Variants in PTPRD observed in about 807,000 individuals in gnomAD.
PTPRD encodes receptor-type tyrosine-protein phosphatase delta.
Under a neutral mutation model 214.5 loss-of-function variants are expected in PTPRD, and 34 were observed. That is an observed-to-expected ratio of 0.16 (90% CI 0.12 to 0.21). PTPRD has a LOEUF of 0.21. Among genes scored for constraint, PTPRD ranks in the 10% least tolerant of loss-of-function variants. The pLI, the probability that PTPRD is intolerant of heterozygous loss-of-function variation, is 1.00. For synonymous variants in PTPRD, 1,128 were observed against 845.7 expected (o/e 1.33, Z -5.79); for missense variants, 2,545 against 2,398.7 (o/e 1.06, Z -1.27).
At chr9:10,374,483 C>T (rs762092107) in intron 2 of PTPRD, among the ~76,000 whole-genome samples, 6 of 152,122 alleles carry the variant, frequency 3.9e-5, no homozygotes, top group Admixed American at 6.6e-5. Flanking sequence ...CTTTTCCACC[C>T]GCCAGAACTT....
intron 10 of PTPRD, among the ~76,000 whole-genome samples, chr9:9,108,731 G>T (rs1460636897): frequency 6.6e-6 from 1 of 152,120 alleles, no homozygotes; most frequent in East Asian, 1.9e-4. Flanking sequence ...CTGCCTAACT[G>T]CAAGGGGACT....
chr9:10,182,091 A>G (rs1272009639), intron 3 of PTPRD, among the ~76,000 whole-genome samples: 1 of 149,390 alleles, frequency 6.7e-6, no homozygotes, highest in Non-Finnish European at 1.5e-5. Context: ...TGTCTCTACT[A>G]AAAATACAAA....
chr9:9,637,776 CA>C (rs1283566358), intron 7 of PTPRD, among the ~76,000 whole-genome samples: 2 of 152,178 alleles, frequency 1.3e-5, no homozygotes, highest in Non-Finnish European at 2.9e-5. Context: ...GCCCAGATCC[CA>C]CAGTTCTGCT....
chr9:9,868,391 T>C (rs2064531725), intron 5 of PTPRD, among the ~76,000 whole-genome samples: 1 of 152,136 alleles, frequency 6.6e-6, no homozygotes, highest in African/African-American at 2.4e-5. Flanking sequence ...AATTTTGCTA[T>C]ATACACTGAA....
chr9:9,486,005 G>A (rs1589630176), intron 8 of PTPRD, among the ~76,000 whole-genome samples: 1 of 151,786 alleles, frequency 6.6e-6, no homozygotes, highest in Admixed American at 6.6e-5. Context: ...ACAAAAAATA[G>A]CAGGGCGTGG....
At chr9:9,469,318 G>C (rs971546097) in intron 8 of PTPRD, among the ~76,000 whole-genome samples, 7 of 151,972 alleles carry the variant, frequency 4.6e-5, no homozygotes, top group Non-Finnish European at 1.0e-4. Flanking sequence ...TTCTCATTTA[G>C]AAATAATCTG....
At chr9:9,256,903 C>G (rs755917271) in intron 9 of PTPRD, among the ~76,000 whole-genome samples, 1 of 151,972 alleles carries the variant, frequency 6.6e-6, no homozygotes, top group Non-Finnish European at 1.5e-5. Context: ...TTCTGTATTT[C>G]CCTTCCAGGA....
intron 5 of PTPRD, among the ~76,000 whole-genome samples, chr9:9,784,361 C>T (rs568485426): frequency 2.0e-5 from 3 of 151,940 alleles, no homozygotes; most frequent in Non-Finnish European, 2.9e-5. Flanking sequence ...TTTTATTTAA[C>T]CTTGCAAGCT....
intron 7 of PTPRD, among the ~76,000 whole-genome samples, chr9:9,652,548 A>G (rs1369227363): frequency 6.6e-6 from 1 of 152,034 alleles, no homozygotes; most frequent in African/African-American, 2.4e-5. Flanking sequence ...AGATTGTGAA[A>G]TCCTTCAGGA....
intron 14 of PTPRD, among the ~76,000 whole-genome samples, chr9:8,558,728 G>C (rs10977202): frequency 1.3e-5 from 2 of 151,992 alleles, no homozygotes; most frequent in African/African-American, 2.4e-5. Flanking sequence ...TTTAGTTTAT[G>C]GTGAGTGTTC....
chr9:9,748,545 C>A (rs189957659), intron 6 of PTPRD, among the ~76,000 whole-genome samples: 10 of 152,154 alleles, frequency 6.6e-5, no homozygotes, highest in African/African-American at 2.4e-4. Flanking sequence ...ATAATTATAA[C>A]GACAGAAAAG....
intron 3 of PTPRD, among the ~76,000 whole-genome samples, chr9:10,070,325 C>T (rs570737118): frequency 6.6e-6 from 1 of 152,092 alleles, no homozygotes; most frequent in Non-Finnish European, 1.5e-5. Flanking sequence ...ATGACAAAGT[C>T]AAAGATAGAG....
At chr9:10,232,462 A>G (rs2099614881) in intron 3 of PTPRD, among the ~76,000 whole-genome samples, 1 of 151,994 alleles carries the variant, frequency 6.6e-6, no homozygotes, top group South Asian at 2.1e-4. Context: ...AAAGTCTGGC[A>G]CTGGAGTAAA....
At chr9:9,591,337 T>C (rs674170) in intron 7 of PTPRD, among the ~76,000 whole-genome samples, 1 of 151,424 alleles carries the variant, frequency 6.6e-6, no homozygotes, top group Non-Finnish European at 1.5e-5. Flanking sequence ...ATGAAGAAAA[T>C]GGATCTGTGT....
intron 5 of PTPRD, among the ~76,000 whole-genome samples, chr9:9,842,176 C>A (rs7851513): frequency 0.16 from 23,968 of 151,152 alleles, 1,998 homozygotes; most frequent in Non-Finnish European, 0.19. Flanking sequence ...TAAATTTTTT[C>A]TTTTACAAGG....
intron 3 of PTPRD, among the ~76,000 whole-genome samples, chr9:10,123,290 T>C (rs1022665861): frequency 6.6e-6 from 1 of 152,218 alleles, no homozygotes; most frequent in East Asian, 1.9e-4. Flanking sequence ...ATAAAAATTA[T>C]CTATGTGACT....
At chr9:8,752,751 G>A (rs1463212790) in intron 11 of PTPRD, among the ~76,000 whole-genome samples, 1 of 152,008 alleles carries the variant, frequency 6.6e-6, no homozygotes, top group Non-Finnish European at 1.5e-5. Context: ...AGACCTGACA[G>A]CTGGTTGCAG....
At chr9:10,410,284 C>T (rs867824704) in intron 2 of PTPRD, among the ~76,000 whole-genome samples, 2 of 127,860 alleles carry the variant, frequency 1.6e-5, no homozygotes, top group Non-Finnish European at 1.7e-5. Context: ...CACACACACA[C>T]AATATATAAT....
intron 3 of PTPRD, among the ~76,000 whole-genome samples, chr9:10,330,018 T>C (rs2096720481): frequency 6.6e-6 from 1 of 151,900 alleles, no homozygotes; most frequent in Non-Finnish European, 1.5e-5. Context: ...TGGACTCTAG[T>C]AGACATCTAT....
Sources: allele counts gnomAD v4.1 joint callset (sites outside exome capture counted in the v4.1 genomes callset), GRCh38; gene constraint gnomAD v4.1.1; transcripts MANE v1.5; gene names NCBI Gene and HGNC (gene_info 2026-07-23, HGNC 2026-07-21).